The following HSPA12A variants were observed in gnomAD, a reference collection of about 807,000 sequenced individuals.
HSPA12A encodes heat shock protein family A (Hsp70) member 12A.
Under a neutral mutation model 69.2 loss-of-function variants are expected in HSPA12A, and 28 were observed. That is an observed-to-expected ratio of 0.40 (90% CI 0.30 to 0.55). The LOEUF (loss-of-function observed/expected upper bound fraction) is 0.55, where lower values mean the gene tolerates loss of function less well. HSPA12A is among the 20% of genes least tolerant of loss of function. The pLI is 0.38. For missense variants in HSPA12A, 686 were observed against 900.7 expected, an observed-to-expected ratio of 0.76 and a Z score of 3.05; for synonymous variants, 345 against 370.5, an observed-to-expected ratio of 0.93 and a Z score of 0.79.
chr10:116,777,465 G>C (rs1370171066), intron 2 of HSPA12A, among the ~76,000 whole-genome samples: 1 of 152,100 alleles, frequency 6.6e-6, no homozygotes, highest in East Asian at 1.9e-4. Context: ...GCCCCACCTG[G>C]TGCCTCCACC....
intron 2 of HSPA12A, among the ~76,000 whole-genome samples, chr10:116,812,916 G>A (rs893476932): frequency 1.3e-5 from 2 of 152,154 alleles, no homozygotes; most frequent in African/African-American, 4.8e-5. Context: ...AGAAAAGACG[G>A]AACAACACAC....
At chr10:116,849,910 T>A, upstream of HSPA12A, 1 of 762,204 alleles carries the variant, frequency 1.3e-6, no homozygotes, top group Non-Finnish European at 2.3e-6. Context: ...CACCCAGGGG[T>A]GAAGGGATCT....
intron 11 of HSPA12A, among the ~76,000 whole-genome samples, chr10:116,676,049 T>C (rs1310239332): frequency 6.6e-6 from 1 of 152,236 alleles, no homozygotes; most frequent in Non-Finnish European, 1.5e-5. Flanking sequence ...TCAGGTAACA[T>C]TGCCTCAGAG....
At chr10:116,825,287 A>G (rs1349371774) in intron 2 of HSPA12A, among the ~76,000 whole-genome samples, 1 of 151,894 alleles carries the variant, frequency 6.6e-6, no homozygotes, top group Non-Finnish European at 1.5e-5. Flanking sequence ...AGATGGGAGG[A>G]TCACTTGAGC....
At chr10:116,700,333 G>A (rs562574844) in intron 4 of HSPA12A, among the ~76,000 whole-genome samples, 8 of 152,228 alleles carry the variant, frequency 5.3e-5, no homozygotes, top group Admixed American at 1.3e-4. Flanking sequence ...ACGAAGCTTC[G>A]GGGTGGCAGG....
At chr10:116,714,051 G>GTGGA (rs1253781502) in intron 1 of HSPA12A, among the ~76,000 whole-genome samples, 43 of 151,024 alleles carry the variant, frequency 2.8e-4, no homozygotes, top group African/African-American at 1.0e-3. Context: ...TGGATGGTGG[G>GTGGA]TGGATGGATG....
intron 1 of HSPA12A, among the ~76,000 whole-genome samples, chr10:116,846,781 C>A (rs1442353526): frequency 6.6e-6 from 1 of 152,170 alleles, no homozygotes; most frequent in East Asian, 1.9e-4. Flanking sequence ...AATTAACATG[C>A]TGATGTATAT....
At chr10:116,838,094 T>G (rs973432438) in intron 1 of HSPA12A, among the ~76,000 whole-genome samples, 5 of 152,184 alleles carry the variant, frequency 3.3e-5, no homozygotes, top group African/African-American at 7.2e-5. Flanking sequence ...GGGAAATAGA[T>G]AGTAAGCGGT....
intron 1 of HSPA12A, among the ~76,000 whole-genome samples, chr10:116,728,444 A>G (rs1851047070): frequency 6.6e-6 from 1 of 152,234 alleles, no homozygotes; most frequent in South Asian, 2.1e-4. Flanking sequence ...ACAAGGGCAC[A>G]ATATCAGAAA....
At chr10:116,707,385 C>T in intron 1 of HSPA12A, 100 bp from the exon 2 acceptor site, 1 of 931,838 alleles carries the variant, frequency 1.1e-6, no homozygotes, top group Non-Finnish European at 1.7e-6. Flanking sequence ...GGAACTGCGG[C>T]CTCTGCAAAG....
intron 2 of HSPA12A, among the ~76,000 whole-genome samples, chr10:116,819,442 A>T (rs1237575000): frequency 6.6e-6 from 1 of 152,160 alleles, no homozygotes; most frequent in Admixed American, 6.5e-5. Flanking sequence ...GGCCTTTGAG[A>T]GGTGACTGGG....
intron 1 of HSPA12A, among the ~76,000 whole-genome samples, chr10:116,740,800 T>G (rs1267858256): frequency 2.0e-5 from 3 of 151,594 alleles, no homozygotes; most frequent in Non-Finnish European, 4.4e-5. Flanking sequence ...CCACTTCTGA[T>G]TTGACAAATC....
At chr10:116,847,675 C>T (rs1352818436) in intron 1 of HSPA12A, among the ~76,000 whole-genome samples, 1 of 152,182 alleles carries the variant, frequency 6.6e-6, no homozygotes, top group Non-Finnish European at 1.5e-5. Flanking sequence ...AATCACTCAA[C>T]AAATATTTAC....
At chr10:116,836,770 C>CAT (rs1472014375) in intron 1 of HSPA12A, among the ~76,000 whole-genome samples, 49 of 91,142 alleles carry the variant, frequency 5.4e-4, no homozygotes, top group African/African-American at 2.0e-3. Flanking sequence ...ACGAACCGAA[C>CAT]ACACACACAC....
chr10:116,850,626 AG>A (rs950470696), upstream of HSPA12A, among the ~76,000 whole-genome samples: 5 of 151,968 alleles, frequency 3.3e-5, no homozygotes, highest in African/African-American at 1.2e-4. Flanking sequence ...ATGTGCTGTC[AG>A]GGTGCAAAAC....
intron 1 of HSPA12A, among the ~76,000 whole-genome samples, chr10:116,720,875 G>T (rs1227137277): frequency 5.9e-5 from 9 of 152,192 alleles, no homozygotes; most frequent in African/African-American, 2.2e-4. Context: ...GAGAGAGGAC[G>T]AGACAGGACC....
At chr10:116,788,246 G>C (rs1286689635) in intron 2 of HSPA12A, among the ~76,000 whole-genome samples, 1 of 152,180 alleles carries the variant, frequency 6.6e-6, no homozygotes, top group Non-Finnish European at 1.5e-5. Context: ...GCCGCCCTCT[G>C]GTGGTGGAGC....
At chr10:116,704,420 T>C (rs1367566119) in intron 3 of HSPA12A, among the ~76,000 whole-genome samples, 1 of 150,368 alleles carries the variant, frequency 6.7e-6, no homozygotes, top group Non-Finnish European at 1.5e-5. Context: ...TGAGAACACA[T>C]GGACACAGGA....
At chr10:116,823,004 G>A (rs1845433431) in intron 2 of HSPA12A, among the ~76,000 whole-genome samples, 1 of 152,172 alleles carries the variant, frequency 6.6e-6, no homozygotes, top group African/African-American at 2.4e-5. Context: ...GGTGTGCTGT[G>A]TGTGCCAACC....
Sources: gnomAD v4.1 joint callset for allele counts (sites outside exome capture counted in the v4.1 genomes callset) on GRCh38, gnomAD v4.1.1 for gene constraint, MANE v1.5 for transcripts, NCBI Gene and HGNC (gene_info 2026-07-23, HGNC 2026-07-21) for gene names.